REDIC1: variants seen among roughly 807,000 people sequenced by gnomAD.
The protein encoded by REDIC1 is HEI10 Interacting Protein 1.
the REDIC1 span, among the ~76,000 whole-genome samples, chr12:39,772,944 G>A: frequency 1.4e-4 from 21 of 152,282 alleles, no homozygotes; most frequent in African/African-American, 2.6e-4. Context: ...TCAGCAATAC[G>A]TAGATAGCTA....
At chr12:39,646,250 T>A in the REDIC1 span, 1 of 418,718 alleles carries the variant, frequency 2.4e-6, no homozygotes, top group African/African-American at 2.3e-5. Context: ...GTTTATGTAA[T>A]GAACATGATT....
At chr12:39,740,505 G>A in the REDIC1 span, among the ~76,000 whole-genome samples, 3 of 152,112 alleles carry the variant, frequency 2.0e-5, no homozygotes, top group African/African-American at 7.2e-5. Flanking sequence ...TAAATTTTTA[G>A]TGTTTTTTGT....
chr12:39,747,356 TGAGAA>T, the REDIC1 span, among the ~76,000 whole-genome samples: 4 of 151,968 alleles, frequency 2.6e-5, no homozygotes, highest in Admixed American at 2.0e-4. Context: ...TGAAATGAAG[TGAGAA>T]GAGAAGTTTA....
chr12:39,837,405 A>G, the REDIC1 span, among the ~76,000 whole-genome samples: 3 of 135,492 alleles, frequency 2.2e-5, no homozygotes, highest in Admixed American at 1.5e-4. Context: ...AAACCTAGGC[A>G]TTACCATTCA....
the REDIC1 span, among the ~76,000 whole-genome samples, chr12:39,699,178 A>T: frequency 6.6e-6 from 1 of 152,208 alleles, no homozygotes; most frequent in Non-Finnish European, 1.5e-5. Context: ...CTGCATTTCC[A>T]TCTGAGGTAT....
At chr12:39,783,195 T>G in the REDIC1 span, among the ~76,000 whole-genome samples, 1 of 152,244 alleles carries the variant, frequency 6.6e-6, no homozygotes, top group Non-Finnish European at 1.5e-5. Flanking sequence ...ACGAAGGACA[T>G]GAACTCATCC....
chr12:39,716,008 A>C, the REDIC1 span, among the ~76,000 whole-genome samples: 16 of 152,078 alleles, frequency 1.1e-4, no homozygotes, highest in East Asian at 3.1e-3. Context: ...TCTGCCTCTC[A>C]GCTGACTGAA....
At chr12:39,718,819 AT>A in the REDIC1 span, among the ~76,000 whole-genome samples, 1 of 152,002 alleles carries the variant, frequency 6.6e-6, no homozygotes, top group African/African-American at 2.4e-5. Context: ...TTACCTTGAT[AT>A]TTTTTAAGCC....
chr12:39,740,776 CA>C, the REDIC1 span, among the ~76,000 whole-genome samples: 5 of 152,012 alleles, frequency 3.3e-5, no homozygotes, highest in African/African-American at 9.7e-5. Flanking sequence ...TTTTAATCTT[CA>C]TAACTTTTTT....
At chr12:39,669,993 G>A in the REDIC1 span, among the ~76,000 whole-genome samples, 152 of 152,200 alleles carry the variant, frequency 1.0e-3, no homozygotes, top group African/African-American at 3.5e-3. Flanking sequence ...GATCCCTTGC[G>A]CTTCCCAAGT....
chr12:39,726,565 G>T, the REDIC1 span, among the ~76,000 whole-genome samples: 1 of 152,116 alleles, frequency 6.6e-6, no homozygotes, highest in African/African-American at 2.4e-5. Context: ...GTCTATCATT[G>T]ATGGGCATTT....
the REDIC1 span, among the ~76,000 whole-genome samples, chr12:39,735,352 A>G: frequency 6.6e-6 from 1 of 152,324 alleles, no homozygotes; most frequent in South Asian, 2.1e-4. Context: ...TTTATTAGGT[A>G]GTGACAGAAA....
chr12:39,905,068 C>T, the REDIC1 span, among the ~76,000 whole-genome samples: 4 of 152,104 alleles, frequency 2.6e-5, no homozygotes, highest in Non-Finnish European at 4.4e-5. Context: ...GAAGAATGCA[C>T]AAATATGCCC....
At chr12:39,823,843 T>C in the REDIC1 span, among the ~76,000 whole-genome samples, 1 of 152,208 alleles carries the variant, frequency 6.6e-6, no homozygotes, top group African/African-American at 2.4e-5. Context: ...AAGTATTATT[T>C]TTAAATTGTT....
At chr12:39,797,011 T>G in the REDIC1 span, among the ~76,000 whole-genome samples, 2 of 152,166 alleles carry the variant, frequency 1.3e-5, no homozygotes, top group Non-Finnish European at 2.9e-5. Flanking sequence ...TGTAAAAGAG[T>G]GTTTTTTGGT....
the REDIC1 span, among the ~76,000 whole-genome samples, chr12:39,711,269 G>C: frequency 4.7e-5 from 7 of 148,176 alleles, no homozygotes; most frequent in African/African-American, 1.7e-4. Flanking sequence ...TGTGATATGT[G>C]TATATATCAC....
chr12:39,893,812 A>G, the REDIC1 span, among the ~76,000 whole-genome samples: 5 of 152,352 alleles, frequency 3.3e-5, no homozygotes, highest in Middle Eastern at 3.4e-3. Flanking sequence ...TTAAGCCCAC[A>G]AAATAATATC....
chr12:39,747,275 G>T, the REDIC1 span, among the ~76,000 whole-genome samples: 1 of 152,212 alleles, frequency 6.6e-6, no homozygotes, highest in African/African-American at 2.4e-5. Flanking sequence ...ACTACATGAC[G>T]AATGCACAAG....
the REDIC1 span, among the ~76,000 whole-genome samples, chr12:39,763,353 A>G: frequency 7.9e-5 from 12 of 152,222 alleles, no homozygotes; most frequent in Non-Finnish European, 1.6e-4. Flanking sequence ...CCAGTTCAGC[A>G]TGGTCAGAAG....
Sources: allele counts gnomAD v4.1 joint callset (sites outside exome capture counted in the v4.1 genomes callset), GRCh38; gene constraint gnomAD v4.1.1; transcripts MANE v1.5; gene names NCBI Gene and HGNC (gene_info 2026-07-23, HGNC 2026-07-21).